Variants in COL28A1 observed in about 807,000 individuals in gnomAD.
COL28A1 encodes collagen alpha-1(XXVIII) chain.
In COL28A1, 161 loss-of-function variants were observed where a neutral mutation model predicts 150.2. The ratio of observed to expected loss-of-function variants is 1.07; its 90% CI spans 0.94 to 1.22. The LOEUF (loss-of-function observed/expected upper bound fraction) is 1.22, where lower values mean the gene tolerates loss of function less well. COL28A1 is among the 50% of genes most tolerant of loss of function. The pLI is 0.00. For missense variants in COL28A1, 1,617 were observed against 1,388.3 expected (o/e 1.16, Z -2.62); for synonymous variants, 552 against 469.7 (o/e 1.18, Z -2.26).
chr7:7,413,365 A>G (rs549299533), intron 27 of COL28A1, among the ~76,000 whole-genome samples: 1 of 152,256 alleles, frequency 6.6e-6, no homozygotes, highest in South Asian at 2.1e-4. Context: ...TAAAATTTCC[A>G]TCCTCCCTAG....
At chr7:7,351,064 A>C in the COL28A1 span, among the ~76,000 whole-genome samples, 2 of 152,232 alleles carry the variant, frequency 1.3e-5, no homozygotes, top group East Asian at 1.9e-4. Context: ...TCTACTGCCA[A>C]ACTAGAGGGA....
At chr7:7,433,511 G>A (rs1474129657) in intron 23 of COL28A1, among the ~76,000 whole-genome samples, 1 of 151,882 alleles carries the variant, frequency 6.6e-6, no homozygotes, top group African/African-American at 2.4e-5. Context: ...GCGGGTGCCT[G>A]TAATCCCAGC....
At chr7:7,474,696 T>G (rs752356870) in intron 14 of COL28A1, 27 bp from the exon 15 acceptor site, 1 of 963,182 alleles carries the variant, frequency 1.0e-6, no homozygotes, top group East Asian at 2.4e-5. Context: ...GGGATATCAA[T>G]GCACCAACCA....
intron 3 of COL28A1, among the ~76,000 whole-genome samples, chr7:7,529,140 T>A (rs748301710): frequency 6.6e-5 from 10 of 151,742 alleles, no homozygotes; most frequent in Non-Finnish European, 1.3e-4. Flanking sequence ...TACAAAAAAA[T>A]GAGCCGGGCA....
At chr7:7,397,960 C>T (rs1168159356) in intron 27 of COL28A1, among the ~76,000 whole-genome samples, 1 of 152,176 alleles carries the variant, frequency 6.6e-6, no homozygotes, top group Non-Finnish European at 1.5e-5. Context: ...TTGCATTTGC[C>T]TCAGAGTGTT....
the COL28A1 span, among the ~76,000 whole-genome samples, chr7:7,340,995 C>G: frequency 1.3e-5 from 2 of 152,168 alleles, no homozygotes; most frequent in African/African-American, 2.4e-5. Context: ...CTTCTCTTTT[C>G]TACCACATTC....
rs532434582 is a variant in COL28A1, at chr7:7,381,397, G to T, written c.2205+147C>A. On this transcript the variant is annotated intron_variant, in intron 28 of 34. Transcript: ENST00000399429. The stretch of plus-strand genomic sequence containing the variant: ...CCTATTTATAGGTAGACAAAGCAAT[G>T]CACGAGGATTTTATTTTGAGTGGAT... 42 of 636,510 alleles carry T rather than the reference G, an allele frequency of 6.6e-5. 1 individual carries two copies. The highest frequency in any genetic ancestry group is 1.1e-4 in the Non-Finnish European group (39 of 358,072). The allele number at this position is 636,510 out of a possible 1,614,324, so 39.4% of individuals were successfully genotyped here.
chr7:7,373,624 A>T lies in COL28A1; in HGVS notation c.2360-78T>A. 8.5e-7 allele frequency: 1 copy of T among 1,171,386 alleles called. No homozygotes were observed. The highest frequency in any genetic ancestry group is 1.2e-6 in the Non-Finnish European group (1 of 816,588). The allele number at this position is 1,171,386 out of a possible 1,614,324, so 72.6% of individuals were successfully genotyped here. A position where few individuals can be genotyped will look rare whatever the true frequency, so the allele number is the denominator to read the frequency against. On this transcript the variant is annotated intron_variant, in intron 31 of 34. Coordinates refer to ENST00000399429, the MANE Select transcript of COL28A1 (RefSeq NM_001037763.3). This position sits in a 1 kb window ranked among gnomAD's most constrained non-coding sequence, Gnocchi z 4.1. ...TGTTGAGGGGAGGGGAGAAAAAGTC[A>T]ATGATGAACCTGAGACCTAAACTAT... is the stretch of plus-strand genomic sequence containing the variant.
At chr7:7,479,090 C>A (rs149164520) in intron 13 of COL28A1, among the ~76,000 whole-genome samples, 1 of 152,234 alleles carries the variant, frequency 6.6e-6, no homozygotes, top group African/African-American at 2.4e-5. Context: ...GCTGCCAGCA[C>A]GCTGTCACCT....
At chr7:7,506,300 T>C (rs769092816) in intron 10 of COL28A1, among the ~76,000 whole-genome samples, 14 of 152,266 alleles carry the variant, frequency 9.2e-5, no homozygotes, top group Non-Finnish European at 1.8e-4. Flanking sequence ...ACGAGATGTT[T>C]GTTTACTAAA....
In COL28A1 at chr7:7,380,720, G is replaced by T. The variant is rs375909141; in HGVS notation, c.2287-25C>A. 5 of 1,613,344 alleles carry T rather than the reference G, an allele frequency of 3.1e-6. No individual in the cohort carries two copies. In the African/African-American group the frequency reaches 5.3e-5, roughly 17 times the overall value. ...CCTACTTAGTGGAAGAAGAGTAAAA[G>T]TCAATATAGGTTGGAACCAGTTAGA... On this transcript the variant is annotated intron_variant, in intron 29 of 34. Transcript: ENST00000399429.
chr7:7,348,304 C>T, the COL28A1 span, among the ~76,000 whole-genome samples: 1 of 152,032 alleles, frequency 6.6e-6, no homozygotes, highest in Non-Finnish European at 1.5e-5. Flanking sequence ...CTCCATCCAT[C>T]TCTCAAAACT....
intron 34 of COL28A1, among the ~76,000 whole-genome samples, chr7:7,359,451 C>G (rs1261832903): frequency 1.3e-5 from 2 of 152,060 alleles, no homozygotes; most frequent in African/African-American, 4.8e-5. Flanking sequence ...ACAGCTGTAA[C>G]AATAAAGCCA....
intron 27 of COL28A1, among the ~76,000 whole-genome samples, chr7:7,395,952 A>T (rs2128296398): frequency 6.6e-6 from 1 of 152,342 alleles, no homozygotes. Context: ...ATGTTGACTT[A>T]GTGGGTTAAT....
chr7:7,507,868 C>G (rs1261252898), intron 9 of COL28A1, among the ~76,000 whole-genome samples: 2 of 152,182 alleles, frequency 1.3e-5, no homozygotes, highest in African/African-American at 4.8e-5. Flanking sequence ...CAGTAGATTC[C>G]TCTTCAAATA....
rs1430275012 is a variant in COL28A1, at chr7:7,358,011, A to G, written c.*622T>C. 6.6e-6 allele frequency: 1 copy of G among 152,220 alleles called. No homozygotes were observed. The highest frequency in any genetic ancestry group is 1.5e-5 in the Non-Finnish European group (1 of 68,046). 9.4% of individuals were successfully genotyped at this position (152,220 alleles called of 1,614,324 possible). A position where few individuals can be genotyped will look rare whatever the true frequency, so the allele number is the denominator to read the frequency against. On this transcript the variant is annotated 3_prime_UTR_variant, in exon 35 of 35. Transcript: ENST00000399429. ...CACTTGTTACCAAACATGTTGGAGG[A>G]ATACAAAGTGACAGTCTGTGATACA...
chr7:7,415,336 T>C (rs1056549779), intron 27 of COL28A1, among the ~76,000 whole-genome samples: 9 of 152,198 alleles, frequency 5.9e-5, no homozygotes, highest in African/African-American at 2.2e-4. Context: ...CCTATATCCT[T>C]GAAATGACTC....
chr7:7,519,952 T>G, intron 6 of COL28A1, 110 bp downstream of exon 6: 1 of 604,256 alleles, frequency 1.7e-6, no homozygotes, highest in Non-Finnish European at 2.9e-6. Flanking sequence ...ACAAAAGTTG[T>G]CACATTTTTG....
upstream of COL28A1, among the ~76,000 whole-genome samples, chr7:7,536,548 T>C (rs1037465040): frequency 6.6e-6 from 1 of 152,174 alleles, no homozygotes; most frequent in Non-Finnish European, 1.5e-5. Context: ...CCTGTTTCCC[T>C]ATTTTCTACC....
Sources: allele counts gnomAD v4.1 joint callset (sites outside exome capture counted in the v4.1 genomes callset), GRCh38; gene constraint gnomAD v4.1.1; non-coding constraint Gnocchi (gnomAD v3.1); transcripts MANE v1.5; gene names NCBI Gene and HGNC (gene_info 2026-07-23, HGNC 2026-07-21).